Variants in KRABD2 observed in about 807,000 individuals in gnomAD.
The protein encoded by KRABD2 is KRAB domain-containing protein 2.
the KRABD2 span, among the ~76,000 whole-genome samples, chr17:8,360,540 AAG>A: frequency 6.6e-6 from 1 of 152,176 alleles, no homozygotes; most frequent in Non-Finnish European, 1.5e-5. Flanking sequence ...GGAACTAAAA[AAG>A]AAACCAAATT....
the KRABD2 span, chr17:8,371,420 C>T: frequency 6.2e-7 from 1 of 1,614,144 alleles, no homozygotes; most frequent in Non-Finnish European, 8.5e-7. Context: ...GCTGTTGCTT[C>T]CTGAAACAAC....
At chr17:8,362,131 C>T in the KRABD2 span, among the ~76,000 whole-genome samples, 3 of 151,904 alleles carry the variant, frequency 2.0e-5, no homozygotes, top group Non-Finnish European at 4.4e-5. This position sits in a 1 kb window ranked among gnomAD's most constrained non-coding sequence, Gnocchi z 4.2. Flanking sequence ...AGATCAAGAC[C>T]GACCGTCCTG....
the KRABD2 span, among the ~76,000 whole-genome samples, chr17:8,374,780 A>G: frequency 7.3e-5 from 11 of 150,360 alleles, no homozygotes; most frequent in Non-Finnish European, 1.6e-4. Flanking sequence ...CCCCGTCTCT[A>G]CCAAAAATAC....
the KRABD2 span, among the ~76,000 whole-genome samples, chr17:8,360,752 T>C: frequency 1.3e-5 from 2 of 151,776 alleles, no homozygotes; most frequent in South Asian, 2.1e-4. Flanking sequence ...AATCACAAAC[T>C]AAAAAAAACA....
At chr17:8,363,839 AT>A in the KRABD2 span, among the ~76,000 whole-genome samples, 15 of 75,936 alleles carry the variant, frequency 2.0e-4, no homozygotes, top group African/African-American at 2.0e-4. Flanking sequence ...ACATATATAT[AT>A]ATATATATAT....
the KRABD2 span, chr17:8,375,698 TTTC>T: frequency 5.2e-5 from 10 of 191,644 alleles, no homozygotes; most frequent in East Asian, 3.1e-4. Flanking sequence ...TTTTCTTTTC[TTTC>T]TTTTTTTTTT....
At chr17:8,371,697 T>A in the KRABD2 span, 1 of 1,388,414 alleles carries the variant, frequency 7.2e-7, no homozygotes, top group South Asian at 1.8e-5. Context: ...GCCAGAGCTG[T>A]AGCCCATTTA....
the KRABD2 span, chr17:8,376,170 C>T: frequency 8.1e-7 from 1 of 1,231,646 alleles, no homozygotes; most frequent in Non-Finnish European, 1.0e-6. Flanking sequence ...GAATACAGAG[C>T]TGAGCACAAA....
chr17:8,361,208 G>T, the KRABD2 span, among the ~76,000 whole-genome samples: 1 of 152,142 alleles, frequency 6.6e-6, no homozygotes, highest in Non-Finnish European at 1.5e-5. Context: ...TCTCCATCTC[G>T]GAAGTGGGGA....
At chr17:8,362,630 C>T in the KRABD2 span, among the ~76,000 whole-genome samples, 2 of 152,178 alleles carry the variant, frequency 1.3e-5, no homozygotes, top group African/African-American at 2.4e-5. This position sits in a 1 kb window ranked among gnomAD's most constrained non-coding sequence, Gnocchi z 4.2. Context: ...GCAATTTGGC[C>T]AGGGCTTGTC....
the KRABD2 span, chr17:8,370,303 C>G: frequency 1.2e-6 from 2 of 1,611,280 alleles, no homozygotes. Flanking sequence ...TTACTTATCT[C>G]CATTTCCATT....
At chr17:8,376,246 C>T in the KRABD2 span, 260 of 1,230,024 alleles carry the variant, frequency 2.1e-4, 2 homozygotes, top group South Asian at 8.6e-3. Context: ...CAAGGTAGAG[C>T]AGCGGTACGG....
the KRABD2 span, chr17:8,370,447 T>G: frequency 1.8e-6 from 2 of 1,099,092 alleles, no homozygotes; most frequent in East Asian, 2.4e-5. Context: ...TGGAAGACTT[T>G]CCCTCTAAAG....
the KRABD2 span, among the ~76,000 whole-genome samples, chr17:8,370,557 T>A: frequency 6.6e-6 from 1 of 152,156 alleles, no homozygotes; most frequent in Admixed American, 6.5e-5. Flanking sequence ...ACTAGCACCA[T>A]CCAAAACCAC....
the KRABD2 span, chr17:8,369,078 C>G: frequency 6.5e-7 from 1 of 1,542,622 alleles, no homozygotes; most frequent in Non-Finnish European, 8.7e-7. Context: ...GGCAACAGTT[C>G]TCAGATGACT....
the KRABD2 span, among the ~76,000 whole-genome samples, chr17:8,366,128 C>CAAA: frequency 2.0e-5 from 3 of 149,544 alleles, no homozygotes; most frequent in African/African-American, 4.9e-5. Context: ...GACTCCATCT[C>CAAA]AAAAAAAAAA....
the KRABD2 span, chr17:8,373,654 GC>G: frequency 6.2e-6 from 1 of 160,086 alleles, no homozygotes; most frequent in Non-Finnish European, 1.3e-5. Context: ...GATGTGAGGA[GC>G]CCCTGTGCCC....
At chr17:8,362,299 C>T in the KRABD2 span, among the ~76,000 whole-genome samples, 1 of 151,400 alleles carries the variant, frequency 6.6e-6, no homozygotes, top group Non-Finnish European at 1.5e-5. This position sits in a 1 kb window ranked among gnomAD's most constrained non-coding sequence, Gnocchi z 4.2. Flanking sequence ...CACTGCACTC[C>T]AGCCTGGGCG....
At chr17:8,369,098 G>C in the KRABD2 span, 1 of 1,572,832 alleles carries the variant, frequency 6.4e-7, no homozygotes, top group South Asian at 1.2e-5. Flanking sequence ...TATGCTCAGA[G>C]AGACACCTGT....
Sources: allele counts gnomAD v4.1 joint callset (sites outside exome capture counted in the v4.1 genomes callset), GRCh38; gene constraint gnomAD v4.1.1; non-coding constraint Gnocchi (gnomAD v3.1); transcripts MANE v1.5; gene names NCBI Gene and HGNC (gene_info 2026-07-23, HGNC 2026-07-21).